The following SLC39A11 variants were observed in gnomAD, a reference collection of about 807,000 sequenced individuals.
SLC39A11 encodes zinc transporter ZIP11.
In SLC39A11, 33 loss-of-function variants were observed where a neutral mutation model predicts 36.1. That is an observed-to-expected ratio of 0.91 (90% CI 0.69 to 1.22). The LOEUF is 1.22. SLC39A11 is among the 50% of genes most tolerant of loss of function. SLC39A11 has a pLI of 0.00. For missense variants in SLC39A11, 432 were observed against 430.3 expected (o/e 1.00, Z -0.03); for synonymous variants, 166 against 170.3 (o/e 0.97, Z 0.20).
rs763217748 is a variant in SLC39A11, at chr17:72,646,094, C to T, written c.*1490G>A. On this transcript the variant is annotated 3_prime_UTR_variant, in exon 10 of 10. Transcript: ENST00000255559. Reference sequence around the variant, plus strand: ...AACCACCACACCAGTTAATCTCAACCAATCAAACCTCTGAATGTGTCTTCA... The same window carrying T: ...AACCACCACACCAGTTAATCTCAACTAATCAAACCTCTGAATGTGTCTTCA... 3 of 152,638 alleles carry T rather than the reference C, an allele frequency of 2.0e-5. No individual in the cohort carries two copies. The highest frequency in any genetic ancestry group is 4.4e-5 in the Non-Finnish European group (3 of 68,038). 9.5% of individuals were successfully genotyped at this position (152,638 alleles called of 1,614,324 possible).
intron 4 of SLC39A11, among the ~76,000 whole-genome samples, chr17:72,991,406 G>A (rs1034431084): frequency 4.0e-5 from 6 of 150,468 alleles, no homozygotes; most frequent in East Asian, 2.0e-4. Context: ...CACCCAGACT[G>A]GGGTGCAGTG....
At chr17:72,882,802 T>TTTTTTTTCTTTTTC (rs1567878865) in intron 5 of SLC39A11, among the ~76,000 whole-genome samples, 3 of 146,990 alleles carry the variant, frequency 2.0e-5, no homozygotes, top group Non-Finnish European at 3.0e-5. Flanking sequence ...TGCTTCTTTT[T>TTTTTTTTCTTTTTC]TTTTTTTTTT....
At chr17:72,667,698 A>G (rs1387585085) in intron 7 of SLC39A11, among the ~76,000 whole-genome samples, 1 of 152,250 alleles carries the variant, frequency 6.6e-6, no homozygotes, top group Non-Finnish European at 1.5e-5. Flanking sequence ...TGCAGACTGC[A>G]GAGGCACCAG....
chr17:72,998,271 C>T (rs2089630739), intron 4 of SLC39A11, among the ~76,000 whole-genome samples: 1 of 150,978 alleles, frequency 6.6e-6, no homozygotes, highest in Non-Finnish European at 1.5e-5. Flanking sequence ...CGTGCTATGT[C>T]ACAAGGACCA....
intron 5 of SLC39A11, among the ~76,000 whole-genome samples, chr17:72,920,024 A>C (rs1008901008): frequency 6.6e-6 from 1 of 152,104 alleles, no homozygotes; most frequent in Non-Finnish European, 1.5e-5. Context: ...TTTGGGAGAA[A>C]CTGCAGTTTC....
intron 4 of SLC39A11, among the ~76,000 whole-genome samples, chr17:72,959,313 G>A (rs987763528): frequency 1.4e-5 from 1 of 73,988 alleles, no homozygotes; most frequent in African/African-American, 6.5e-5. Flanking sequence ...GTGTATGTAT[G>A]TGTGTGTGTG....
intron 4 of SLC39A11, among the ~76,000 whole-genome samples, chr17:73,012,101 C>G (rs1185971684): frequency 6.6e-6 from 1 of 151,408 alleles, no homozygotes; most frequent in Non-Finnish European, 1.5e-5. Context: ...ATGGTGAAAA[C>G]CCATCTCTAC....
chr17:72,953,038 C>T (rs58624210), intron 4 of SLC39A11, among the ~76,000 whole-genome samples: 7,954 of 152,172 alleles, frequency 0.052, 337 homozygotes, highest in African/African-American at 0.12. Context: ...GTTCCCTCTC[C>T]CGATCCTCTT....
intron 7 of SLC39A11, among the ~76,000 whole-genome samples, chr17:72,727,520 C>T (rs778016059): frequency 2.6e-5 from 4 of 151,730 alleles, no homozygotes; most frequent in Non-Finnish European, 5.9e-5. Flanking sequence ...GGCGTGGTGG[C>T]GGGTGCCTGT....
chr17:72,861,691 A>AT lies in SLC39A11; in HGVS notation c.431-11888_431-11887insA, dbSNP rs1567842215. 1.1e-3 allele frequency among the ~76,000 whole-genome samples: 122 copies of AT among 108,898 alleles called. 1 individual carries two copies. The highest frequency in any genetic ancestry group is 4.2e-3 in the African/African-American group (117 of 27,706). The allele number at this position is 108,898 out of a possible 152,430, so 71.4% of individuals were successfully genotyped here. On this transcript the variant is annotated intron_variant, in intron 5 of 9. Transcript: ENST00000255559. The stretch of plus-strand genomic sequence containing the variant: ...TATATATATATATATATATATATAA[A>AT]ATATATATATTGGATATATATAGGA...
intron 5 of SLC39A11, among the ~76,000 whole-genome samples, chr17:72,862,836 T>G (rs532896789): frequency 6.6e-6 from 1 of 152,136 alleles, no homozygotes; most frequent in Admixed American, 6.5e-5. Flanking sequence ...TGAGGCCACA[T>G]GTGCATGCGG....
intron 5 of SLC39A11, among the ~76,000 whole-genome samples, chr17:72,945,774 A>G (rs540756593): frequency 2.0e-5 from 3 of 152,286 alleles, no homozygotes; most frequent in African/African-American, 7.2e-5. Flanking sequence ...AAGAAGACCC[A>G]GCAGTACCCA....
rs1451248486 is a variant in SLC39A11, at chr17:72,909,736, TTTTTTTC to T, written c.430+38009_430+38015del. Among the ~76,000 whole-genome samples, 131 of 121,270 alleles carry T rather than the reference TTTTTTTC, an allele frequency of 1.1e-3. 1 individual carries two copies. The South Asian group carries it at 0.014, about 13-fold the overall frequency. 79.6% of individuals were successfully genotyped at this position (121,270 alleles called of 152,430 possible). A position where few individuals can be genotyped will look rare whatever the true frequency, so the allele number is the denominator to read the frequency against. ...AGTTTGCTCAACTGTCTTTCTTTCT[TTTTTTTC>T]TTTTTTCTTTTTTTTTTTTTGAGAC... On this transcript the variant is annotated intron_variant, in intron 5 of 9. Coordinates refer to ENST00000255559, the MANE Select transcript of SLC39A11 (RefSeq NM_139177.4).
intron 7 of SLC39A11, among the ~76,000 whole-genome samples, chr17:72,723,227 CA>C (rs937176205): frequency 3.3e-5 from 5 of 152,106 alleles, no homozygotes; most frequent in Admixed American, 2.6e-4. Context: ...CCAGATGCTT[CA>C]TAGAGAGATG....
chr17:72,774,428 C>T (rs2076061656), intron 6 of SLC39A11, among the ~76,000 whole-genome samples: 1 of 152,154 alleles, frequency 6.6e-6, no homozygotes, highest in East Asian at 1.9e-4. Context: ...TCCAAGCAAC[C>T]AAATAACAGG....
At chr17:72,928,931 G>C (rs113705464) in intron 5 of SLC39A11, among the ~76,000 whole-genome samples, 2,063 of 152,336 alleles carry the variant, frequency 0.014, 44 homozygotes, top group African/African-American at 0.046. Context: ...CCCAGAAGCA[G>C]TAGGAAGTCG....
intron 6 of SLC39A11, among the ~76,000 whole-genome samples, chr17:72,843,838 A>C (rs770473676): frequency 4.6e-5 from 7 of 152,210 alleles, no homozygotes; most frequent in Non-Finnish European, 1.0e-4. Flanking sequence ...GCACATGTGT[A>C]TTAAATATTA....
intron 5 of SLC39A11, among the ~76,000 whole-genome samples, chr17:72,945,769 G>A (rs778423740): frequency 1.3e-5 from 2 of 152,142 alleles, no homozygotes; most frequent in Non-Finnish European, 2.9e-5. Context: ...TGGCCAAGAA[G>A]ACCCAGCAGT....
rs769395167 is a variant in SLC39A11, at chr17:72,659,308, G to T, written c.672-10040C>A. Among the ~76,000 whole-genome samples the T allele has an allele frequency of 9.9e-4, 151 of 152,218 alleles. 1 individual carries two copies. Among genetic ancestry groups the T allele is most frequent in the Non-Finnish European group, 1.2e-3 (84 of 68,046 alleles). ...ATTAGGGGCGAGGATGATTTTGGCG[G>T]AGACAGATGATCCAGGAAACCTTTG... On this transcript the variant is annotated intron_variant, in intron 7 of 9. Coordinates refer to ENST00000255559, the MANE Select transcript of SLC39A11 (RefSeq NM_139177.4).
Sources: allele counts gnomAD v4.1 joint callset (sites outside exome capture counted in the v4.1 genomes callset), GRCh38; gene constraint gnomAD v4.1.1; transcripts MANE v1.5; gene names NCBI Gene and HGNC (gene_info 2026-07-23, HGNC 2026-07-21).